Variants in ZC3H12A observed in about 807,000 individuals in gnomAD.
ZC3H12A encodes zinc finger CCCH-type containing 12A.
ZC3H12A carries 9 observed loss-of-function variants against 29.9 expected under a neutral mutation model. That is an observed-to-expected ratio of 0.30 (90% confidence interval 0.18 to 0.53). The LOEUF (loss-of-function observed/expected upper bound fraction) is 0.53. Ranked by LOEUF, ZC3H12A falls within the 20% of genes least tolerant of loss-of-function variation. The pLI, the probability that ZC3H12A is intolerant of heterozygous loss-of-function variation, is 0.96. For missense variants in ZC3H12A, 617 were observed against 799.0 expected (o/e 0.77, Z 2.75); for synonymous variants, 323 against 338.1 (o/e 0.96, Z 0.49).
rs748027131 is a variant in ZC3H12A at position 37,483,014 on chromosome 1, A to G, written c.1203A>G (p.Ser401=). The G allele has an allele frequency of 6.2e-7, 1 of 1,608,588 alleles. No individual in the cohort carries two copies. Among genetic ancestry groups the G allele is most frequent in the Non-Finnish European group, 8.5e-7 (1 of 1,177,778 alleles). ...GTCTAACACAGACCTATGCCCCATC[A>G]GGCAGGAGCCTCGCACCTAGCGGGG... ...QEGLTQTYAP[S]GRSLAPSGGS... The change falls in exon 6 of 6, where the codon TCA becomes TCG. Residue 401 remains serine, a synonymous_variant. Transcript: ENST00000373087.
In ZC3H12A at chr1:37,483,057, G is replaced by T. The variant is rs775740886; in HGVS notation, c.1246G>T (p.Gly416Trp). ...TAGCGGGGGCAGTGGCAGCAGCTTT[G>T]GGCCCACAGACTGGCTCCCACAGAC... ...APSGGSGSSF[G>W]PTDWLPQTLD... Residue 416 changes from glycine to tryptophan, a missense_variant, in exon 6 of 6, where the codon GGG becomes TGG. Gly to Trp is a radical substitution (Grantham distance 184). Transcript: ENST00000373087. The T allele has an allele frequency of 6.2e-7, 1 of 1,608,448 alleles. No individual in the cohort carries two copies. Among genetic ancestry groups the T allele is most frequent in the Admixed American group, 1.7e-5 (1 of 59,148 alleles).
At position 37,481,606 on chromosome 1, in the gene ZC3H12A, C is replaced by T. The variant is rs768794817; in HGVS notation, c.589C>T (p.His197Tyr). The T allele has an allele frequency of 8.7e-6, 14 of 1,614,172 alleles. No individual in the cohort carries two copies. The highest frequency in any genetic ancestry group is 1.2e-5 in the Non-Finnish European group (14 of 1,180,016). ...PRPDVPITDQ[H>Y]ILRELEKKKI... ...GTGCACCCGTCACCTCCCAGACCAGCACATCCTGCGGGAACTGGAGAAGAA... is the reference window on the plus strand; with the variant it reads ...GTGCACCCGTCACCTCCCAGACCAGTACATCCTGCGGGAACTGGAGAAGAA... Residue 197 changes from histidine to tyrosine, a missense_variant, in exon 4 of 6, where the codon CAC becomes TAC. Physicochemically the swap from His to Tyr is moderately conservative, Grantham distance 83 (BLOSUM62 2). Transcript: ENST00000373087.
chr1:37,482,910 C>T lies in ZC3H12A; in HGVS notation c.1099C>T (p.Leu367=). Residue 367 remains leucine, a synonymous_variant, in exon 6 of 6, where the codon CTG becomes TTG. Coordinates refer to ENST00000373087, the MANE Select transcript of ZC3H12A (RefSeq NM_025079.3). ...RPSPSSQSSS[L]LTESEQCSLD... ...TTCACCTTCATCCCAGTCCAGCTCT[C>T]TGCTAACAGAGAGTGAGCAGTGCAG... 1 of 1,613,812 alleles carries T rather than the reference C, an allele frequency of 6.2e-7. No homozygotes were observed. Among genetic ancestry groups the T allele is most frequent in the Non-Finnish European group, 8.5e-7 (1 of 1,180,042 alleles).
Position 37,482,874 on chromosome 1 carries a change from G to A in ZC3H12A, c.1063G>A (p.Gly355Ser), listed in dbSNP as rs746952207. 7 of 1,613,944 alleles carry A rather than the reference G, an allele frequency of 4.3e-6. No homozygotes were observed. The East Asian group carries it at 1.6e-4, about 36-fold the overall frequency. The part of the protein sequence containing the change: ...PPRAPSKDKN[G>S]RRPSPSSQSS... ...CAGAGCCCCAAGCAAGGACAAAAATGGCCGGCGGCCTTCACCTTCATCCCA... is the reference window on the plus strand; with the variant it reads ...CAGAGCCCCAAGCAAGGACAAAAATAGCCGGCGGCCTTCACCTTCATCCCA... Residue 355 changes from glycine to serine, a missense_variant, in exon 6 of 6, where the codon GGC becomes AGC. Around this residue, in one of 5 missense-constraint regions of ZC3H12A, gnomAD observed 115 missense variants for 112.5 expected, o/e 1.02. Coordinates refer to ENST00000373087, the MANE Select transcript of ZC3H12A (RefSeq NM_025079.3).
chr1:37,482,192 G>A (rs745519811), intron 4 of ZC3H12A, among the ~76,000 whole-genome samples: 2 of 152,146 alleles, frequency 1.3e-5, no homozygotes, highest in Admixed American at 6.5e-5. Flanking sequence ...ATCCCCCGAC[G>A]ACCTCAGAGA....
Position 37,482,544 on chromosome 1 carries a change from T to C in ZC3H12A, c.925+4T>C. ...AGGAAGCAGCCGTGTCCCTATGGTATGGAACCCAGCCTGCCCTCCCCGGCC... is the reference window on the plus strand; with the variant it reads ...AGGAAGCAGCCGTGTCCCTATGGTACGGAACCCAGCCTGCCCTCCCCGGCC... On this transcript the variant is annotated splice_donor_region_variant and intron_variant, in intron 5 of 5. Transcript: ENST00000373087. 1 of 1,614,096 alleles carries C rather than the reference T, an allele frequency of 6.2e-7. No homozygotes were observed. The highest frequency in any genetic ancestry group is 8.5e-7 in the Non-Finnish European group (1 of 1,179,986).
Position 37,480,428 on chromosome 1 carries a change from A to T in ZC3H12A, c.582A>T (p.Thr194=). ...AGCCTCGGCCCGACGTGCCCATCACAGGTGAGTGGTGCCTCTGGAGGTGGG... is the reference window on the plus strand; with the variant it reads ...AGCCTCGGCCCGACGTGCCCATCACTGGTGAGTGGTGCCTCTGGAGGTGGG... ...KEQPRPDVPI[T]DQHILRELEK... The change falls in exon 3 of 6, where the codon ACA becomes ACT. Residue 194 remains threonine (T), a splice_region_variant and synonymous_variant. Coordinates refer to ENST00000373087, the MANE Select transcript of ZC3H12A (RefSeq NM_025079.3). The T allele has an allele frequency of 6.2e-7, 1 of 1,611,506 alleles. No homozygotes were observed.
In ZC3H12A at chr1:37,476,020, T is replaced by G; in HGVS notation, c.443+81T>G. 7.4e-7 allele frequency: 1 copy of G among 1,359,496 alleles called. No individual in the cohort carries two copies. Among genetic ancestry groups the G allele is most frequent in the Non-Finnish European group, 9.7e-7 (1 of 1,030,060 alleles). 84.2% of individuals were successfully genotyped at this position (1,359,496 alleles called of 1,614,324 possible). A position where few individuals can be genotyped will look rare whatever the true frequency, so the allele number is the denominator to read the frequency against. ...GGACACATGGAAGGATGACTGTCTC[T>G]GCAGCTCTGGTGGGCTGGAAGAAGT... On this transcript the variant is annotated intron_variant, in intron 2 of 5. Coordinates refer to ENST00000373087, the MANE Select transcript of ZC3H12A (RefSeq NM_025079.3). The surrounding 1 kb of genome is among the most constrained non-coding windows in gnomAD (Gnocchi z 6.0).
In ZC3H12A at chr1:37,482,366, C is replaced by T. The variant is rs777873712; in HGVS notation, c.819-68C>T. The T allele has an allele frequency of 7.3e-6, 10 of 1,373,882 alleles. No homozygotes were observed. In the South Asian group the frequency reaches 1.3e-4, roughly 17 times the overall value. 85.1% of individuals were successfully genotyped at this position (1,373,882 alleles called of 1,614,324 possible). A position where few individuals can be genotyped will look rare whatever the true frequency, so the allele number is the denominator to read the frequency against. On this transcript the variant is annotated intron_variant, in intron 4 of 5. Coordinates refer to ENST00000373087, the MANE Select transcript of ZC3H12A (RefSeq NM_025079.3). ...TCTTCCCAGCAAGGCTTGCCATCGGCCCCTTCTCAGCAATTAGAAGTCCCT... is the reference window on the plus strand; with the variant it reads ...TCTTCCCAGCAAGGCTTGCCATCGGTCCCTTCTCAGCAATTAGAAGTCCCT...
At chr1:37,482,624 G>A in intron 5 of ZC3H12A, 84 bp downstream of exon 5, 1 of 1,607,430 alleles carries the variant, frequency 6.2e-7, no homozygotes, top group Non-Finnish European at 8.5e-7. Flanking sequence ...TTTTCCTCTT[G>A]GGGACCTCCA....
chr1:37,477,562 A>C (rs918470587), intron 2 of ZC3H12A, among the ~76,000 whole-genome samples: 2 of 152,074 alleles, frequency 1.3e-5, no homozygotes, highest in Non-Finnish European at 2.9e-5. Context: ...GTTTCCTTCT[A>C]AGGGAATTTT....
In ZC3H12A at chr1:37,475,591, C is replaced by G; in HGVS notation, c.95C>G (p.Pro32Arg). The G allele has an allele frequency of 6.2e-7, 1 of 1,614,072 alleles. No individual in the cohort carries two copies. Among genetic ancestry groups the G allele is most frequent in the Non-Finnish European group, 8.5e-7 (1 of 1,180,050 alleles). Residue 32 changes from proline to arginine, a missense_variant, in exon 2 of 6, where the codon CCA becomes CGA. Coordinates refer to ENST00000373087, the MANE Select transcript of ZC3H12A (RefSeq NM_025079.3). This position sits in a 1 kb window ranked among gnomAD's most constrained non-coding sequence, Gnocchi z 5.2. ...FEDSHSRQGT[P>R]RPGQELAAEE... ...GACAGCCACAGCCGTCAGGGCACCCCAAGGCCGGGTCAAGAGCTGGCCGCT... is the reference window on the plus strand; with the variant it reads ...GACAGCCACAGCCGTCAGGGCACCCGAAGGCCGGGTCAAGAGCTGGCCGCT...
At chr1:37,480,577 C>A in intron 3 of ZC3H12A, 148 bp downstream of exon 3, 1 of 1,195,060 alleles carries the variant, frequency 8.4e-7, no homozygotes, top group African/African-American at 1.5e-5. Flanking sequence ...TCCTTAGCAA[C>A]CTGCTCTGAA....
At chr1:37,480,477 C>T in intron 3 of ZC3H12A, 48 bp downstream of exon 3, 1 of 1,587,604 alleles carries the variant, frequency 6.3e-7, no homozygotes, top group South Asian at 1.2e-5. Context: ...CCCAGCAGCC[C>T]TGGTTCTCCC....
In ZC3H12A at chr1:37,475,524, G is replaced by A; in HGVS notation, c.28G>A (p.Val10Ile). The A allele has an allele frequency of 6.2e-7, 1 of 1,611,868 alleles. No individual in the cohort carries two copies. Among genetic ancestry groups the A allele is most frequent in the Non-Finnish European group, 8.5e-7 (1 of 1,179,144 alleles). ...GAGTGGCCCCTGTGGAGAGAAGCCT[G>A]TCCTGGAAGCCAGCCCCACCATGAG... MSGPCGEKP[V>I]LEASPTMSLW... The change falls in exon 2 of 6, where the codon GTC (valine) becomes ATC (isoleucine). Residue 10 changes from valine to isoleucine, a missense_variant. Physicochemically the swap from Val to Ile is conservative, Grantham distance 29. Around this residue, in one of 5 missense-constraint regions of ZC3H12A, gnomAD observed 67 missense variants for 56.2 expected, o/e 1.19. Transcript: ENST00000373087. The surrounding 1 kb of genome is among the most constrained non-coding windows in gnomAD (Gnocchi z 5.2).
In ZC3H12A at chr1:37,479,877, G is replaced by A. The variant is rs1455135532; in HGVS notation, c.444-413G>A. The A allele has an allele frequency of 1.6e-5, 16 of 1,004,226 alleles. No homozygotes were observed. The African/African-American group carries it at 1.9e-4, about 12-fold the overall frequency. 62.2% of individuals were successfully genotyped at this position (1,004,226 alleles called of 1,614,324 possible). A position where few individuals can be genotyped will look rare whatever the true frequency, so the allele number is the denominator to read the frequency against. ...GTCCCTGTGGTCCCGGCAGCTCGCC[G>A]GGTGGGGCAGGAACCAGAAGTCTCG... On this transcript the variant is annotated intron_variant, in intron 2 of 5. Transcript: ENST00000373087. The surrounding 1 kb of genome is among the most constrained non-coding windows in gnomAD (Gnocchi z 4.5).
At position 37,479,099 on chromosome 1, in the gene ZC3H12A, C is replaced by CTT. The variant is rs1315634771; in HGVS notation, c.444-1188_444-1187dup. 1 of 985,280 alleles carries CTT rather than the reference C, an allele frequency of 1.0e-6. No individual in the cohort carries two copies. The highest frequency in any genetic ancestry group is 1.2e-6 in the Non-Finnish European group (1 of 829,948). The allele number at this position is 985,280 out of a possible 1,614,324, so 61.0% of individuals were successfully genotyped here. A position where few individuals can be genotyped will look rare whatever the true frequency, so the allele number is the denominator to read the frequency against. On this transcript the variant is annotated intron_variant, in intron 2 of 5. Transcript: ENST00000373087. The surrounding 1 kb of genome is among the most constrained non-coding windows in gnomAD (Gnocchi z 4.5). ...GATGTGGTTGGCCCTGGACTTGCCT[C>CTT]TTTTGCGTAACATTTATTCTGTTTT... is the stretch of plus-strand genomic sequence containing the variant.
intron 4 of ZC3H12A, 98 bp from the exon 5 acceptor site, chr1:37,482,336 C>A: frequency 9.4e-7 from 1 of 1,067,174 alleles, no homozygotes. Context: ...GTGTCACTCT[C>A]CTATTCTTCC....
chr1:37,482,890 C>G lies in ZC3H12A; in HGVS notation c.1079C>G (p.Pro360Arg). ...SKDKNGRRPS[P>R]SSQSSSLLTE... ...GACAAAAATGGCCGGCGGCCTTCACCTTCATCCCAGTCCAGCTCTCTGCTA... is the reference window on the plus strand; with the variant it reads ...GACAAAAATGGCCGGCGGCCTTCACGTTCATCCCAGTCCAGCTCTCTGCTA... The change falls in exon 6 of 6, where the codon CCT becomes CGT. Residue 360 changes from proline to arginine, a missense_variant. Pro to Arg is a moderately radical substitution (Grantham distance 103, BLOSUM62 -2). Around this residue, in one of 5 missense-constraint regions of ZC3H12A, gnomAD observed 115 missense variants for 112.5 expected, o/e 1.02. Coordinates refer to ENST00000373087, the MANE Select transcript of ZC3H12A (RefSeq NM_025079.3). 1 of 1,613,890 alleles carries G rather than the reference C, an allele frequency of 6.2e-7. No homozygotes were observed. Among genetic ancestry groups the G allele is most frequent in the Non-Finnish European group, 8.5e-7 (1 of 1,180,042 alleles).
Sources: gnomAD v4.1 joint callset for allele counts (sites outside exome capture counted in the v4.1 genomes callset) on GRCh38, gnomAD v4.1.1 for gene constraint, gnomAD v4.1.1 regional missense constraint, Gnocchi (gnomAD v3.1) non-coding constraint, MANE v1.5 for transcripts, NCBI Gene and HGNC (gene_info 2026-07-23, HGNC 2026-07-21) for gene names.